Variants in ROBO2 observed in about 807,000 individuals in gnomAD.
ROBO2 encodes the protein roundabout homolog 2.
Under a neutral mutation model 160.8 loss-of-function variants are expected in ROBO2, and 53 were observed. The observed-to-expected ratio is 0.33, with a 90% CI of 0.26 to 0.41. The LOEUF (loss-of-function observed/expected upper bound fraction) is 0.41. ROBO2 is among the 10% of genes least tolerant of loss of function. ROBO2 has a pLI of 1.00. For missense variants in ROBO2, 1,577 were observed against 1,722.4 expected (o/e 0.92, Z 1.49); for synonymous variants, 664 against 611.7 (o/e 1.09, Z -1.26).
chr3:77,446,518 C>A (rs1582015345), intron 2 of ROBO2, among the ~76,000 whole-genome samples: 1 of 152,210 alleles, frequency 6.6e-6, no homozygotes. Context: ...ATATTGTTTT[C>A]ATCATGTTGT....
intron 2 of ROBO2, among the ~76,000 whole-genome samples, chr3:76,545,792 C>T (rs1387791020): frequency 6.6e-6 from 1 of 151,630 alleles, no homozygotes; most frequent in Non-Finnish European, 1.5e-5. Context: ...TTTTTTCTTT[C>T]AAATTAATGC....
intron 2 of ROBO2, among the ~76,000 whole-genome samples, chr3:76,530,248 C>T (rs764249550): frequency 1.3e-5 from 2 of 152,162 alleles, no homozygotes; most frequent in Non-Finnish European, 2.9e-5. Context: ...GTAATTTCCC[C>T]CTGGACTCCC....
At chr3:76,729,401 A>G (rs1373508800) in intron 2 of ROBO2, among the ~76,000 whole-genome samples, 1 of 152,156 alleles carries the variant, frequency 6.6e-6, no homozygotes, top group Non-Finnish European at 1.5e-5. Flanking sequence ...CCACTCTAAT[A>G]GTTACAGATT....
At chr3:76,470,749 G>C (rs1255446250) in intron 2 of ROBO2, among the ~76,000 whole-genome samples, 1 of 152,082 alleles carries the variant, frequency 6.6e-6, no homozygotes, top group Non-Finnish European at 1.5e-5. Context: ...TTAATACTGA[G>C]AGTATGGTTC....
chr3:76,421,206 G>A (rs2075981903), intron 2 of ROBO2, among the ~76,000 whole-genome samples: 1 of 152,126 alleles, frequency 6.6e-6, no homozygotes, highest in South Asian at 2.1e-4. Context: ...ATAGCTGGTT[G>A]TAACAATACA....
intron 2 of ROBO2, among the ~76,000 whole-genome samples, chr3:76,045,981 G>A (rs778549212): frequency 2.6e-5 from 4 of 151,746 alleles, no homozygotes; most frequent in African/African-American, 9.7e-5. Flanking sequence ...TTGCATTAAA[G>A]TAGTCCCAAA....
At chr3:77,077,386 C>A (rs1360760187) in intron 1 of ROBO2, among the ~76,000 whole-genome samples, 1 of 152,066 alleles carries the variant, frequency 6.6e-6, no homozygotes, top group East Asian at 1.9e-4. Flanking sequence ...CTGTGCTGGA[C>A]GTCAGAAATA....
chr3:76,390,194 A>C (rs1420535740), intron 2 of ROBO2, among the ~76,000 whole-genome samples: 1 of 152,148 alleles, frequency 6.6e-6, no homozygotes, highest in African/African-American at 2.4e-5. Flanking sequence ...CTCCCCCACA[A>C]AAAGAAATAG....
chr3:76,767,545 A>G (rs2108459517), intron 2 of ROBO2, among the ~76,000 whole-genome samples: 1 of 151,738 alleles, frequency 6.6e-6, no homozygotes, highest in South Asian at 2.1e-4. Flanking sequence ...TTTCAATGAT[A>G]AAGAATAAAT....
intron 2 of ROBO2, among the ~76,000 whole-genome samples, chr3:76,225,603 T>C (rs1460381179): frequency 2.0e-5 from 3 of 152,114 alleles, no homozygotes; most frequent in Non-Finnish European, 4.4e-5. Context: ...TAATCCCAGC[T>C]ACTCGAGAGG....
chr3:77,308,289 C>T (rs1004848442), intron 2 of ROBO2, among the ~76,000 whole-genome samples: 11 of 152,156 alleles, frequency 7.2e-5, no homozygotes, highest in Admixed American at 3.3e-4. Flanking sequence ...CATCTGGATT[C>T]CCTGGCCTTC....
chr3:77,480,975 G>A (rs1560956591), intron 3 of ROBO2, 124 bp from the exon 4 acceptor site: 3 of 809,612 alleles, frequency 3.7e-6, no homozygotes, highest in Non-Finnish European at 6.0e-6. Context: ...CCAAAATAAT[G>A]GGAGAGTTTT....
intron 2 of ROBO2, among the ~76,000 whole-genome samples, chr3:76,680,549 T>A (rs944613178): frequency 6.6e-6 from 1 of 152,102 alleles, no homozygotes; most frequent in African/African-American, 2.4e-5. Context: ...AAAGCTAGCA[T>A]GTTTGGTGTC....
At chr3:77,247,604 G>A (rs531353767) in intron 2 of ROBO2, among the ~76,000 whole-genome samples, 1 of 152,242 alleles carries the variant, frequency 6.6e-6, no homozygotes, top group East Asian at 1.9e-4. Flanking sequence ...ATCAGTTAGA[G>A]AATATTTCCT....
intron 2 of ROBO2, among the ~76,000 whole-genome samples, chr3:77,306,345 A>G (rs1397650887): frequency 6.6e-6 from 1 of 152,170 alleles, no homozygotes; most frequent in Non-Finnish European, 1.5e-5. Flanking sequence ...AATTCTATTA[A>G]TAAAATATGC....
intron 2 of ROBO2, among the ~76,000 whole-genome samples, chr3:77,305,479 A>G (rs1282284427): frequency 1.3e-5 from 2 of 152,208 alleles, no homozygotes; most frequent in African/African-American, 4.8e-5. Context: ...TGGTGTTCTC[A>G]GGTGGGATGT....
In ROBO2 at chr3:76,651,615, TA is replaced by T. The variant is rs138693158; in HGVS notation, c.110-446388del. 4.2e-3 allele frequency among the ~76,000 whole-genome samples: 596 copies of T among 142,736 alleles called. 2 individuals carry two copies. Among genetic ancestry groups the T allele is most frequent in the African/African-American group, 0.011 (419 of 39,118 alleles). The allele number at this position is 142,736 out of a possible 152,430, so 93.6% of individuals were successfully genotyped here. A position where few individuals can be genotyped will look rare whatever the true frequency, so the allele number is the denominator to read the frequency against. On this transcript the variant is annotated intron_variant, in intron 2 of 26. Transcript: ENST00000487694. ...CACTATTATTGCTTGCATTTGACAT[TA>T]AAAAAAAAAAGAATTGAAAAATTAT...
intron 2 of ROBO2, among the ~76,000 whole-genome samples, chr3:76,462,559 GTAAC>G (rs1208227662): frequency 6.7e-6 from 1 of 149,866 alleles, no homozygotes; most frequent in Non-Finnish European, 1.5e-5. Flanking sequence ...TCAGCAATTT[GTAAC>G]TAACCTGCAC....
intron 2 of ROBO2, among the ~76,000 whole-genome samples, chr3:76,251,802 A>G (rs1706020664): frequency 6.6e-6 from 1 of 152,078 alleles, no homozygotes; most frequent in South Asian, 2.1e-4. Flanking sequence ...TGGGTTTAAA[A>G]TGTGACTCCT....
Sources: gnomAD v4.1 joint callset for allele counts (sites outside exome capture counted in the v4.1 genomes callset) on GRCh38, gnomAD v4.1.1 for gene constraint, MANE v1.5 for transcripts, NCBI Gene and HGNC (gene_info 2026-07-23, HGNC 2026-07-21) for gene names.